Variants in SCMH1 observed in about 807,000 individuals in gnomAD.
SCMH1 encodes the protein polycomb protein SCMH1.
A neutral mutation model predicts 70.8 loss-of-function variants in SCMH1; 37 were observed. The ratio of observed to expected loss-of-function variants is 0.52; its 90% CI spans 0.40 to 0.69. The LOEUF is 0.69. Among genes scored for constraint, SCMH1 ranks in the 30% least tolerant of loss-of-function variants. The pLI is 0.00. For missense variants in SCMH1, 607 were observed against 827.3 expected, an observed-to-expected ratio of 0.73 and a Z score of 3.27; for synonymous variants, 292 against 307.4, an observed-to-expected ratio of 0.95 and a Z score of 0.52.
intron 6 of SCMH1, among the ~76,000 whole-genome samples, chr1:41,142,060 G>A (rs571199966): frequency 6.6e-6 from 1 of 152,262 alleles, no homozygotes; most frequent in South Asian, 2.1e-4. Context: ...CTTCAACAAT[G>A]AAGGTTACAT....
chr1:41,223,236 C>G lies in SCMH1; in HGVS notation c.-118+18823G>C, dbSNP rs1020152133. On this transcript the variant is annotated intron_variant, in intron 1 of 14. Coordinates refer to ENST00000337495, the Ensembl canonical transcript of SCMH1. The stretch of plus-strand genomic sequence containing the variant: ...TAATTAGGCTATTTCACAGCTTTGT[C>G]AAGAAAGATGTCAGCTTGTTGAAAA... Among the ~76,000 whole-genome samples, 5 of 152,196 alleles carry G rather than the reference C, an allele frequency of 3.3e-5. No homozygotes were observed. In the East Asian group the frequency reaches 9.6e-4, roughly 29 times the overall value.
chr1:41,211,297 G>A (rs549260214), intron 1 of SCMH1, among the ~76,000 whole-genome samples: 1 of 152,198 alleles, frequency 6.6e-6, no homozygotes, highest in African/African-American at 2.4e-5. Flanking sequence ...CAGAATCTAT[G>A]AAGAACTTAA....
At chr1:41,065,475 C>T (rs368874621) in intron 10 of SCMH1, among the ~76,000 whole-genome samples, 1 of 152,210 alleles carries the variant, frequency 6.6e-6, no homozygotes, top group Admixed American at 6.5e-5. Flanking sequence ...GTTTCCACAA[C>T]AATAGCAAAC....
intron 1 of SCMH1, among the ~76,000 whole-genome samples, chr1:41,202,505 T>C (rs967544160): frequency 1.3e-5 from 2 of 152,250 alleles, no homozygotes; most frequent in Non-Finnish European, 2.9e-5. Flanking sequence ...TAGACTTTAC[T>C]GTACTTTTAT....
intron 7 of SCMH1, among the ~76,000 whole-genome samples, chr1:41,114,521 C>T (rs1669969434): frequency 6.6e-6 from 1 of 152,008 alleles, no homozygotes; most frequent in African/African-American, 2.4e-5. Flanking sequence ...TTTCGAGTTC[C>T]ATATATAAAC....
intron 8 of SCMH1, among the ~76,000 whole-genome samples, chr1:41,087,184 C>G (rs1661960568): frequency 6.6e-6 from 1 of 151,978 alleles, no homozygotes; most frequent in Non-Finnish European, 1.5e-5. Context: ...TGGAAAAACA[C>G]AAATTAGATC....
At chr1:41,207,187 C>G (rs1287579422) in intron 1 of SCMH1, among the ~76,000 whole-genome samples, 1 of 152,096 alleles carries the variant, frequency 6.6e-6, no homozygotes, top group East Asian at 1.9e-4. Context: ...TCACACATAA[C>G]AGTATTAACC....
chr1:41,235,830 G>A (rs972502611), intron 1 of SCMH1, among the ~76,000 whole-genome samples: 7 of 151,798 alleles, frequency 4.6e-5, no homozygotes, highest in Non-Finnish European at 1.0e-4. Flanking sequence ...TAAATAATAC[G>A]TGCATGTCAA....
chr1:41,180,767 A>C (rs1277045219), intron 2 of SCMH1, among the ~76,000 whole-genome samples: 2 of 152,196 alleles, frequency 1.3e-5, no homozygotes, highest in Non-Finnish European at 2.9e-5. Context: ...AAATGGCCAT[A>C]CTGCCCAAGG....
chr1:41,168,632 CT>C (rs543282078), intron 2 of SCMH1, among the ~76,000 whole-genome samples: 28,631 of 104,628 alleles, frequency 0.27, 2,875 homozygotes, highest in Admixed American at 0.36. Flanking sequence ...GGAGATTTGT[CT>C]TTTTTTTTTT....
At chr1:41,238,280 T>C (rs1662799352) in intron 1 of SCMH1, among the ~76,000 whole-genome samples, 1 of 152,180 alleles carries the variant, frequency 6.6e-6, no homozygotes, top group African/African-American at 2.4e-5. Context: ...CCCTTTGTCA[T>C]TAAGTATTAG....
At chr1:41,190,950 C>T (rs1040934847) in intron 1 of SCMH1, among the ~76,000 whole-genome samples, 4 of 152,234 alleles carry the variant, frequency 2.6e-5, no homozygotes, top group Non-Finnish European at 5.9e-5. Flanking sequence ...TCATAGTTCA[C>T]TGCAGCCTCA....
intron 1 of SCMH1, among the ~76,000 whole-genome samples, chr1:41,229,457 G>A (rs1040733091): frequency 6.6e-6 from 1 of 152,112 alleles, no homozygotes; most frequent in African/African-American, 2.4e-5. Flanking sequence ...GGATGAAGCT[G>A]GAAACCATCA....
chr1:41,048,918 T>G, intron 10 of SCMH1, 28 bp from the exon 11 acceptor site: 1 of 1,588,298 alleles, frequency 6.3e-7, no homozygotes, highest in East Asian at 2.2e-5. Context: ...TCAAAGAAGC[T>G]TCAAGAGTCT....
At chr1:41,232,418 G>C (rs1661479283) in intron 1 of SCMH1, among the ~76,000 whole-genome samples, 1 of 152,176 alleles carries the variant, frequency 6.6e-6, no homozygotes, top group South Asian at 2.1e-4. Flanking sequence ...TGTTTGGTGA[G>C]ATAGAAGATA....
chr1:41,160,896 C>G lies in SCMH1; in HGVS notation c.85G>C (p.Ala29Pro), dbSNP rs1444678129. The G allele has an allele frequency of 3.9e-6, 6 of 1,550,220 alleles. No individual in the cohort carries two copies. In the South Asian group the frequency reaches 7.1e-5, roughly 18 times the overall value. ...TTACCTAGATCCAGGATGTCAGCAGCTTCTAGTAAAGAAAAAAATGTTGGA... is the reference window on the plus strand; with the variant it reads ...TTACCTAGATCCAGGATGTCAGCAGGTTCTAGTAAAGAAAAAAATGTTGGA... The change falls in exon 4 of 15, where the codon GCT becomes CCT. Residue 29 changes from alanine (A) to proline (P), a missense_variant and splice_region_variant. By Grantham distance (27) the Ala-to-Pro change is conservative. Transcript: ENST00000337495.
chr1:41,111,074 GTA>G (rs1669135137), intron 8 of SCMH1, among the ~76,000 whole-genome samples: 1 of 152,130 alleles, frequency 6.6e-6, no homozygotes, highest in South Asian at 2.1e-4. Flanking sequence ...GGCTATCTGT[GTA>G]TGTTATCTGG....
intron 6 of SCMH1, among the ~76,000 whole-genome samples, chr1:41,126,019 C>T (rs1437975973): frequency 6.6e-6 from 1 of 152,114 alleles, no homozygotes; most frequent in Non-Finnish European, 1.5e-5. Flanking sequence ...GAATAGGATG[C>T]ATACATATAA....
chr1:41,218,677 A>G (rs888593480), intron 1 of SCMH1, among the ~76,000 whole-genome samples: 2 of 152,178 alleles, frequency 1.3e-5, no homozygotes, highest in African/African-American at 4.8e-5. Flanking sequence ...ATACTACCTA[A>G]TATCTATTTA....
Sources: gnomAD v4.1 joint callset for allele counts (sites outside exome capture counted in the v4.1 genomes callset) on GRCh38, gnomAD v4.1.1 for gene constraint, MANE v1.5 for transcripts, NCBI Gene and HGNC (gene_info 2026-07-23, HGNC 2026-07-21) for gene names.